The following CDK6 variants were observed in gnomAD, a reference collection of about 807,000 sequenced individuals.
CDK6 encodes the protein cyclin-dependent kinase 6.
A neutral mutation model predicts 37.1 loss-of-function variants in CDK6; 6 were observed. The ratio of observed to expected loss-of-function variants is 0.16; its 90% CI spans 0.09 to 0.32. The LOEUF is 0.32. Among genes scored for constraint, CDK6 ranks in the 10% least tolerant of loss-of-function variants. The pLI, the probability that CDK6 is intolerant of heterozygous loss-of-function variation, is 1.00. For missense variants in CDK6, 224 were observed against 418.9 expected, an observed-to-expected ratio of 0.53 and a Z score of 4.06; for synonymous variants, 160 against 161.3, an observed-to-expected ratio of 0.99 and a Z score of 0.06.
chr7:92,828,892 C>A (rs1801403582), intron 2 of CDK6, among the ~76,000 whole-genome samples: 1 of 152,128 alleles, frequency 6.6e-6, no homozygotes. Flanking sequence ...AAATCAGAAA[C>A]TTTTCAAGGA....
chr7:92,657,482 T>A (rs1216190477), intron 5 of CDK6, among the ~76,000 whole-genome samples: 1 of 152,152 alleles, frequency 6.6e-6, no homozygotes, highest in Non-Finnish European at 1.5e-5. Context: ...CTTCTGAAAT[T>A]CTGTAGAATA....
chr7:92,633,273 T>C (rs1376565538), intron 5 of CDK6, among the ~76,000 whole-genome samples: 3 of 152,186 alleles, frequency 2.0e-5, no homozygotes, highest in Non-Finnish European at 4.4e-5. Flanking sequence ...AATCCAATGA[T>C]GTGTGATAAC....
At chr7:92,622,291 C>A (rs574867820) in intron 6 of CDK6, among the ~76,000 whole-genome samples, 1 of 151,918 alleles carries the variant, frequency 6.6e-6, no homozygotes, top group African/African-American at 2.4e-5. Flanking sequence ...CATCAAGGAG[C>A]GATGTAACTG....
chr7:92,712,951 C>T (rs1798135177), intron 4 of CDK6, among the ~76,000 whole-genome samples: 1 of 152,074 alleles, frequency 6.6e-6, no homozygotes, highest in Admixed American at 6.6e-5. Context: ...GCAACCTCCG[C>T]CTCCTGGGTT....
chr7:92,831,056 T>A (rs749909675), intron 2 of CDK6, among the ~76,000 whole-genome samples: 2 of 152,258 alleles, frequency 1.3e-5, no homozygotes, highest in Admixed American at 6.5e-5. Context: ...TTCTCACGAC[T>A]TTAACAGGTA....
chr7:92,725,320 C>G (rs1798485609), intron 4 of CDK6: 1 of 985,310 alleles, frequency 1.0e-6, no homozygotes, highest in African/African-American at 1.7e-5. Flanking sequence ...ATTGTACATA[C>G]AGCTCTGAAA....
intron 2 of CDK6, among the ~76,000 whole-genome samples, chr7:92,790,135 T>C (rs963287671): frequency 2.0e-5 from 3 of 152,194 alleles, no homozygotes; most frequent in Non-Finnish European, 4.4e-5. Context: ...ACCAATACTC[T>C]GAACATCTCA....
At chr7:92,790,867 C>T (rs916131909) in intron 2 of CDK6, among the ~76,000 whole-genome samples, 5 of 152,056 alleles carry the variant, frequency 3.3e-5, no homozygotes, top group Admixed American at 2.0e-4. Flanking sequence ...GCACTTGAAA[C>T]CAAAGAAAGT....
intron 3 of CDK6, among the ~76,000 whole-genome samples, chr7:92,742,183 G>T (rs946104082): frequency 6.6e-6 from 1 of 152,160 alleles, no homozygotes; most frequent in Non-Finnish European, 1.5e-5. Flanking sequence ...CTTTGCTTAG[G>T]TTGAGAGTGA....
intron 3 of CDK6, among the ~76,000 whole-genome samples, chr7:92,727,393 T>C (rs1478449868): frequency 1.3e-5 from 2 of 152,230 alleles, no homozygotes; most frequent in Non-Finnish European, 2.9e-5. Flanking sequence ...TCTGTCTTTA[T>C]ATTTTAGCTT....
At chr7:92,711,552 ATTTTTTT>A (rs11285626) in intron 4 of CDK6, among the ~76,000 whole-genome samples, 43 of 56,622 alleles carry the variant, frequency 7.6e-4, no homozygotes, top group African/African-American at 1.8e-3. Context: ...GAATGGTCAA[ATTTTTTT>A]TTTTTTTTTT....
At chr7:92,656,766 A>C (rs1382281537) in intron 5 of CDK6, among the ~76,000 whole-genome samples, 2 of 152,170 alleles carry the variant, frequency 1.3e-5, no homozygotes, top group Non-Finnish European at 2.9e-5. Flanking sequence ...TTTGCCACTG[A>C]CTAAAGATTA....
chr7:92,754,312 T>A (rs1052685032), intron 3 of CDK6, among the ~76,000 whole-genome samples: 1 of 152,226 alleles, frequency 6.6e-6, no homozygotes, highest in African/African-American at 2.4e-5. Context: ...CATTTTCCTG[T>A]ACTCATTAGT....
At chr7:92,711,552 A>ATTTTTTTTTTTTTTTTTT (rs11285626) in intron 4 of CDK6, among the ~76,000 whole-genome samples, 7 of 56,614 alleles carry the variant, frequency 1.2e-4, no homozygotes, top group African/African-American at 4.9e-4. Flanking sequence ...GAATGGTCAA[A>ATTTTTTTTTTTTTTTTTT]TTTTTTTTTT....
intron 2 of CDK6, among the ~76,000 whole-genome samples, chr7:92,831,205 A>G (rs1442098139): frequency 6.6e-6 from 1 of 152,216 alleles, no homozygotes; most frequent in Non-Finnish European, 1.5e-5. Context: ...AAACACATCA[A>G]TCTCAGGAGG....
intron 4 of CDK6, among the ~76,000 whole-genome samples, chr7:92,692,683 G>A (rs1797624096): frequency 6.6e-6 from 1 of 152,068 alleles, no homozygotes; most frequent in Admixed American, 6.6e-5. Context: ...TACTCTGGAG[G>A]CTGAGGTGGG....
chr7:92,785,073 G>A (rs1424648844), intron 2 of CDK6, among the ~76,000 whole-genome samples: 1 of 152,166 alleles, frequency 6.6e-6, no homozygotes, highest in Non-Finnish European at 1.5e-5. Flanking sequence ...ATGACGCAGT[G>A]AAGGTAAACA....
At chr7:92,819,855 A>C (rs1423872603) in intron 2 of CDK6, among the ~76,000 whole-genome samples, 1 of 152,002 alleles carries the variant, frequency 6.6e-6, no homozygotes, top group Non-Finnish European at 1.5e-5. Flanking sequence ...CAAAGCAAAA[A>C]CCAGAGAAAA....
chr7:92,771,352 T>A (rs1156452920), intron 3 of CDK6, among the ~76,000 whole-genome samples: 7 of 144,668 alleles, frequency 4.8e-5, no homozygotes, highest in African/African-American at 1.0e-4. Context: ...CAAAAAAAAA[T>A]AAAAATATCT....
Sources: gnomAD v4.1 joint callset for allele counts (sites outside exome capture counted in the v4.1 genomes callset) on GRCh38, gnomAD v4.1.1 for gene constraint, MANE v1.5 for transcripts, NCBI Gene and HGNC (gene_info 2026-07-23, HGNC 2026-07-21) for gene names.